ACYP2: variants seen among roughly 807,000 people sequenced by gnomAD.
ACYP2 encodes the protein acylphosphatase-2.
A neutral mutation model predicts 11.2 loss-of-function variants in ACYP2; 12 were observed. The ratio of observed to expected loss-of-function variants is 1.08; its 90% CI spans 0.69 to 1.74. The LOEUF (loss-of-function observed/expected upper bound fraction) is 1.74. ACYP2 is among the 40% of genes most tolerant of loss of function. The pLI, the probability that ACYP2 is intolerant of heterozygous loss-of-function variation, is 0.00. For synonymous variants in ACYP2, 43 were observed against 32.2 expected, an observed-to-expected ratio of 1.33 and a Z score of -1.13; for missense variants, 134 against 101.9, an observed-to-expected ratio of 1.31 and a Z score of -1.35.
intron 6 of ACYP2, chr2:54,256,047 TACCTCTGTCGCCTTGCTCTTTTCTCGGG>T (rs1339299926): frequency 6.2e-7 from 1 of 1,614,130 alleles, no homozygotes; most frequent in East Asian, 2.2e-5. Flanking sequence ...TATCTGCCAT[TACCTCTGTCGCCTTGCTCTTTTCTCGGG>T]ACCTCTGGCC....
intron 4 of ACYP2, among the ~76,000 whole-genome samples, chr2:54,059,988 A>G (rs897341780): frequency 3.9e-5 from 6 of 152,088 alleles, no homozygotes; most frequent in Non-Finnish European, 8.8e-5. Context: ...AGCAATTCCA[A>G]GTTTTTTCTT....
chr2:54,217,798 T>A (rs937772034), intron 6 of ACYP2, among the ~76,000 whole-genome samples: 1 of 152,152 alleles, frequency 6.6e-6, no homozygotes, highest in Non-Finnish European at 1.5e-5. Flanking sequence ...ACACATGCCT[T>A]TAGCAGGATG....
chr2:54,227,275 A>T (rs1686048682), intron 6 of ACYP2, among the ~76,000 whole-genome samples: 1 of 152,190 alleles, frequency 6.6e-6, no homozygotes, highest in Non-Finnish European at 1.5e-5. Context: ...TTCTTATTCG[A>T]GTCTTATTTT....
chr2:54,140,020 A>C lies in ACYP2; in HGVS notation c.404+1272A>C, dbSNP rs575708299. ...ATCAACTCCTTATTTTTCTAATTTT[A>C]AATGTTTACGTGCATACTTGTGTTT... is the stretch of plus-strand genomic sequence containing the variant. On this transcript the variant is annotated intron_variant, in intron 6 of 6. Transcript: ENST00000607452. Among the ~76,000 whole-genome samples, 28 of 152,328 alleles carry C rather than the reference A, an allele frequency of 1.8e-4. No homozygotes were observed. In the South Asian group the frequency reaches 5.2e-3, roughly 28 times the overall value.
chr2:54,268,075 G>A (rs1433758245), intron 6 of ACYP2, among the ~76,000 whole-genome samples: 1 of 152,156 alleles, frequency 6.6e-6, no homozygotes, highest in African/African-American at 2.4e-5. Flanking sequence ...GACACAATAT[G>A]GAAAGCCTTG....
At chr2:54,113,005 A>G (rs1679535250) in intron 4 of ACYP2, among the ~76,000 whole-genome samples, 1 of 150,674 alleles carries the variant, frequency 6.6e-6, no homozygotes, top group African/African-American at 2.4e-5. Context: ...CTTAGAAGCT[A>G]TGCTATAGTT....
chr2:53,985,215 G>A (rs1037504000), intron 2 of ACYP2, among the ~76,000 whole-genome samples: 23 of 151,974 alleles, frequency 1.5e-4, no homozygotes, highest in Admixed American at 5.9e-4. Context: ...AACTACAGGC[G>A]CCTGCCGCCA....
rs181839061 is a variant in ACYP2 at position 54,097,092 on chromosome 2, A to G, written c.278-38361A>G. Reference sequence around the variant, plus strand: ...AACATAATTAAAAAGCAATAATTCAAAAGGGTTTATAATATCTTTCACCTC... The same window carrying G: ...AACATAATTAAAAAGCAATAATTCAGAAGGGTTTATAATATCTTTCACCTC... On this transcript the variant is annotated intron_variant, in intron 4 of 6. Transcript: ENST00000607452. Among the ~76,000 whole-genome samples, 134 of 152,352 alleles carry G rather than the reference A, an allele frequency of 8.8e-4. 2 individuals are homozygous for G. In the East Asian group the frequency reaches 0.023, roughly 27 times the overall value.
At chr2:54,128,561 G>A (rs1200253393) in intron 4 of ACYP2, among the ~76,000 whole-genome samples, 1 of 152,082 alleles carries the variant, frequency 6.6e-6, no homozygotes, top group Non-Finnish European at 1.5e-5. Flanking sequence ...TAGCTACTTG[G>A]AATGTTGAGG....
At chr2:54,168,457 A>G (rs1344528108) in intron 6 of ACYP2, among the ~76,000 whole-genome samples, 1 of 151,996 alleles carries the variant, frequency 6.6e-6, no homozygotes, top group Non-Finnish European at 1.5e-5. Context: ...GAATAGAATA[A>G]AATAAAATAA....
At chr2:54,038,303 G>A (rs1038101531) in intron 2 of ACYP2, among the ~76,000 whole-genome samples, 1 of 152,010 alleles carries the variant, frequency 6.6e-6, no homozygotes, top group African/African-American at 2.4e-5. Context: ...TTCACCCTAA[G>A]GGTAAGTTGA....
At chr2:54,099,302 A>G (rs748194228) in intron 4 of ACYP2, among the ~76,000 whole-genome samples, 44 of 152,072 alleles carry the variant, frequency 2.9e-4, no homozygotes, top group Non-Finnish European at 5.1e-4. Context: ...CTTCGAATCT[A>G]CTCTCTTAGC....
At chr2:54,256,065 C>G (rs1419198572) in intron 6 of ACYP2, 12 of 1,614,198 alleles carry the variant, frequency 7.4e-6, no homozygotes, top group Admixed American at 1.7e-5. Flanking sequence ...TCGCCTTGCT[C>G]TTTTCTCGGG....
At chr2:54,185,805 C>A (rs1042347568) in intron 6 of ACYP2, among the ~76,000 whole-genome samples, 4 of 152,022 alleles carry the variant, frequency 2.6e-5, no homozygotes, top group African/African-American at 9.7e-5. Flanking sequence ...TATACAGACA[C>A]CAAGTCTTAG....
chr2:53,994,257 G>C (rs950445684), intron 2 of ACYP2, among the ~76,000 whole-genome samples: 4 of 149,654 alleles, frequency 2.7e-5, no homozygotes, highest in Non-Finnish European at 5.9e-5. Context: ...CTGAACCCAG[G>C]AGGCGGAGCT....
intron 4 of ACYP2, among the ~76,000 whole-genome samples, chr2:54,076,309 G>A (rs1279422990): frequency 1.3e-5 from 2 of 152,106 alleles, no homozygotes; most frequent in Admixed American, 6.6e-5. Context: ...AAATTTATAC[G>A]GAGAATATAT....
At chr2:54,267,988 C>T (rs959965005) in intron 6 of ACYP2, among the ~76,000 whole-genome samples, 1 of 152,186 alleles carries the variant, frequency 6.6e-6, no homozygotes, top group African/African-American at 2.4e-5. Flanking sequence ...AAGTAATGCT[C>T]ATACTACACT....
At chr2:54,063,738 A>T (rs549995208) in intron 4 of ACYP2, among the ~76,000 whole-genome samples, 1 of 152,184 alleles carries the variant, frequency 6.6e-6, no homozygotes, top group South Asian at 2.1e-4. Flanking sequence ...GCTTCCTTTA[A>T]CTATGCTCAT....
chr2:54,187,382 A>G (rs1324157603), intron 6 of ACYP2, among the ~76,000 whole-genome samples: 5 of 152,170 alleles, frequency 3.3e-5, no homozygotes, highest in Admixed American at 6.5e-5. Context: ...TAGTCCGCAC[A>G]TCTTGGGAGT....
Sources: allele counts gnomAD v4.1 joint callset (sites outside exome capture counted in the v4.1 genomes callset), GRCh38; gene constraint gnomAD v4.1.1; transcripts MANE v1.5; gene names NCBI Gene and HGNC (gene_info 2026-07-23, HGNC 2026-07-21).